Variants in SYN3 observed in about 807,000 individuals in gnomAD.
The protein encoded by SYN3 is synapsin III, also known as synapsin-3.
A neutral mutation model predicts 65.8 loss-of-function variants in SYN3; 35 were observed. The observed-to-expected ratio is 0.53, with a 90% CI of 0.41 to 0.70. SYN3 has a LOEUF of 0.70. SYN3 is among the 30% of genes least tolerant of loss of function. SYN3 has a pLI of 0.00. For missense variants in SYN3, 680 were observed against 749.0 expected (o/e 0.91, Z 1.08); for synonymous variants, 270 against 292.9 (o/e 0.92, Z 0.80).
chr22:32,687,249 G>T (rs2060603606), intron 6 of SYN3, among the ~76,000 whole-genome samples: 1 of 151,856 alleles, frequency 6.6e-6, no homozygotes, highest in Admixed American at 6.6e-5. Flanking sequence ...TGCAATCTCT[G>T]TCTCCTAGGT....
At chr22:32,594,603 G>T (rs943520782) in intron 7 of SYN3, among the ~76,000 whole-genome samples, 3 of 151,824 alleles carry the variant, frequency 2.0e-5, no homozygotes, top group East Asian at 1.9e-4. Context: ...TTCTCCTGCC[G>T]CAGCTTTCCA....
intron 6 of SYN3, among the ~76,000 whole-genome samples, chr22:32,662,237 C>T (rs1283107139): frequency 6.7e-6 from 1 of 149,204 alleles, no homozygotes; most frequent in African/African-American, 2.5e-5. Context: ...CCTTGGCTCT[C>T]AGATGCCTTA....
chr22:32,521,296 C>A (rs888674421), intron 12 of SYN3, among the ~76,000 whole-genome samples: 1 of 152,104 alleles, frequency 6.6e-6, no homozygotes, highest in East Asian at 1.9e-4. Flanking sequence ...AACGCAGGAG[C>A]CCCTAGGAGC....
At chr22:32,520,141 G>GTA (rs1213335712) in intron 12 of SYN3, among the ~76,000 whole-genome samples, 4 of 152,054 alleles carry the variant, frequency 2.6e-5, no homozygotes, top group East Asian at 3.9e-4. Context: ...AGGTATGTAT[G>GTA]TATATATATA....
chr22:32,740,577 G>C (rs989017846), intron 6 of SYN3, among the ~76,000 whole-genome samples: 1 of 152,154 alleles, frequency 6.6e-6, no homozygotes. Context: ...AGTGTGGCTG[G>C]AATACCAGAC....
intron 6 of SYN3, among the ~76,000 whole-genome samples, chr22:32,772,722 C>A (rs2045806953): frequency 6.6e-6 from 1 of 152,004 alleles, no homozygotes; most frequent in Non-Finnish European, 1.5e-5. Flanking sequence ...GACCATGAGG[C>A]CAGAGGTTGG....
chr22:32,733,515 T>C (rs1602011726), intron 6 of SYN3, among the ~76,000 whole-genome samples: 1 of 152,314 alleles, frequency 6.6e-6, no homozygotes, highest in African/African-American at 2.4e-5. Context: ...GGAGAGTGGT[T>C]CCTAGTAGCT....
At chr22:32,538,152 T>G (rs1569017220) in intron 8 of SYN3, 42 bp from the exon 9 acceptor site, 1 of 1,566,992 alleles carries the variant, frequency 6.4e-7, no homozygotes, top group Admixed American at 1.7e-5. Context: ...TTAGGGACCC[T>G]CGTCACTGAT....
intron 4 of SYN3, 21 bp downstream of exon 4, chr22:32,931,369 G>C: frequency 6.5e-7 from 1 of 1,537,548 alleles, no homozygotes; most frequent in Non-Finnish European, 9.0e-7. Context: ...AGAAGGTTCT[G>C]CATATTTTAA....
At chr22:32,549,954 G>A (rs182891306) in intron 7 of SYN3, among the ~76,000 whole-genome samples, 1 of 152,072 alleles carries the variant, frequency 6.6e-6, no homozygotes, top group Non-Finnish European at 1.5e-5. Context: ...TAGAGGGAAG[G>A]GAAGCGGGAG....
At chr22:32,581,949 A>AC (rs1314230158) in intron 7 of SYN3, among the ~76,000 whole-genome samples, 6 of 151,046 alleles carry the variant, frequency 4.0e-5, no homozygotes, top group African/African-American at 1.5e-4. Context: ...ACAGGCGTGC[A>AC]CCACCAAACC....
chr22:32,559,808 A>G lies in SYN3; in HGVS notation c.775-18095T>C, dbSNP rs191345523. Among the ~76,000 whole-genome samples, 1,133 of 150,422 alleles carry G rather than the reference A, an allele frequency of 7.5e-3. 17 individuals are homozygous for G. The highest frequency in any genetic ancestry group is 0.027 in the African/African-American group (1,103 of 41,042). Reference sequence around the variant, plus strand: ...TAGCGCCACTGCCCTCCAGCCTGGGAGACAGAGCGAGACTCCGTCTCAACA... The same window carrying G: ...TAGCGCCACTGCCCTCCAGCCTGGGGGACAGAGCGAGACTCCGTCTCAACA... On this transcript the variant is annotated intron_variant, in intron 7 of 13. Coordinates refer to ENST00000358763, the MANE Select transcript of SYN3 (RefSeq NM_003490.4).
chr22:32,760,248 C>T lies in SYN3; in HGVS notation c.711+104667G>A, dbSNP rs1602081581. On this transcript the variant is annotated intron_variant, in intron 6 of 13. Coordinates refer to ENST00000358763, the MANE Select transcript of SYN3 (RefSeq NM_003490.4). ...CACCAACAGCCAGCACCCATGCAGG[C>T]CTGCGGCCCTTCCTTGATTGAGTCT... 3.5e-5 allele frequency among the ~76,000 whole-genome samples: 5 copies of T among 144,228 alleles called. No individual in the cohort carries two copies. The South Asian group carries it at 1.1e-3, about 33-fold the overall frequency. 94.6% of individuals were successfully genotyped at this position (144,228 alleles called of 152,430 possible). A position where few individuals can be genotyped will look rare whatever the true frequency, so the allele number is the denominator to read the frequency against.
At chr22:32,667,399 G>T (rs2060303314) in intron 6 of SYN3, among the ~76,000 whole-genome samples, 2 of 152,004 alleles carry the variant, frequency 1.3e-5, no homozygotes, top group East Asian at 3.9e-4. Context: ...TTTTTTTCAA[G>T]ATGACAAATA....
Position 32,948,344 on chromosome 22 carries a change from G to A in SYN3, c.370-16863C>T, listed in dbSNP as rs564336203. ...AGGAAACACTAAGGGTTGCAGAGGAGGGGAGTAACTCAATTCCTAACGACA... is the reference window on the plus strand; with the variant it reads ...AGGAAACACTAAGGGTTGCAGAGGAAGGGAGTAACTCAATTCCTAACGACA... On this transcript the variant is annotated intron_variant, in intron 3 of 13. Coordinates refer to ENST00000358763, the MANE Select transcript of SYN3 (RefSeq NM_003490.4). 2.6e-5 allele frequency among the ~76,000 whole-genome samples: 4 copies of A among 152,296 alleles called. No individual in the cohort carries two copies. The South Asian group carries it at 8.3e-4, about 32-fold the overall frequency.
At chr22:33,046,709 G>A (rs1423052477) in intron 1 of SYN3, among the ~76,000 whole-genome samples, 3 of 151,980 alleles carry the variant, frequency 2.0e-5, no homozygotes, top group Admixed American at 2.0e-4. Context: ...TGGGTGTGGT[G>A]GCAGGCATCT....
At chr22:32,569,302 C>CT (rs1569047513) in intron 7 of SYN3, among the ~76,000 whole-genome samples, 1 of 61,196 alleles carries the variant, frequency 1.6e-5, no homozygotes, top group Non-Finnish European at 3.4e-5. Context: ...TATCTATCTA[C>CT]ACCTATCTAT....
intron 3 of SYN3, among the ~76,000 whole-genome samples, chr22:32,972,088 G>A (rs1440700873): frequency 6.6e-6 from 1 of 152,148 alleles, no homozygotes; most frequent in African/African-American, 2.4e-5. Flanking sequence ...TTTCAAGGAG[G>A]AATGACAGAG....
intron 6 of SYN3, among the ~76,000 whole-genome samples, chr22:32,675,972 A>G (rs1488563016): frequency 2.6e-5 from 4 of 152,086 alleles, no homozygotes; most frequent in Non-Finnish European, 5.9e-5. Context: ...TCTTGAAGAC[A>G]TTGTTCAGCT....
Sources: allele counts gnomAD v4.1 joint callset (sites outside exome capture counted in the v4.1 genomes callset), GRCh38; gene constraint gnomAD v4.1.1; transcripts MANE v1.5; gene names NCBI Gene and HGNC (gene_info 2026-07-23, HGNC 2026-07-21).